CLCA4: variants seen among roughly 807,000 people sequenced by gnomAD.
The protein encoded by CLCA4 is calcium-activated chloride channel regulator 4.
CLCA4 carries 69 observed loss-of-function variants against 78.9 expected under a neutral mutation model. That is an observed-to-expected ratio of 0.87 (90% confidence interval 0.72 to 1.07). The LOEUF is 1.07. Ranked by LOEUF, CLCA4 falls within the 50% of genes least tolerant of loss-of-function variation. CLCA4 has a pLI of 0.00. For missense variants in CLCA4, 1,133 were observed against 1,095.8 expected, an observed-to-expected ratio of 1.03 and a Z score of -0.48; for synonymous variants, 362 against 375.8, an observed-to-expected ratio of 0.96 and a Z score of 0.42.
In CLCA4 at chr1:86,549,859, G is replaced by T. The variant is rs140172378; in HGVS notation, c.159+2581G>T. 4.2e-4 allele frequency among the ~76,000 whole-genome samples: 64 copies of T among 152,250 alleles called. No individual in the cohort carries two copies. In the Middle Eastern group the frequency reaches 0.01, roughly 24 times the overall value. On this transcript the variant is annotated intron_variant, in intron 1 of 13. Transcript: ENST00000370563. ...AAAACATCCATGTAGATGGAGGCAG[G>T]AATCTGAATTCATGATGAAGAATGA...
chr1:86,557,212 G>C (rs1020731964), intron 1 of CLCA4, among the ~76,000 whole-genome samples: 6 of 151,852 alleles, frequency 4.0e-5, no homozygotes, highest in African/African-American at 1.5e-4. Flanking sequence ...TTTTCCTTCA[G>C]TTCAGCTCTG....
At chr1:86,572,439 T>C (rs1650376680) in intron 8 of CLCA4, among the ~76,000 whole-genome samples, 175 bp from the exon 9 acceptor site, 1 of 152,056 alleles carries the variant, frequency 6.6e-6, no homozygotes, top group Non-Finnish European at 1.5e-5. Context: ...CATTCCCTAG[T>C]TATGACATTT....
chr1:86,549,072 T>C (rs1473042840), intron 1 of CLCA4, among the ~76,000 whole-genome samples: 1 of 152,072 alleles, frequency 6.6e-6, no homozygotes, highest in African/African-American at 2.4e-5. Context: ...AGTTAATAAG[T>C]AAATGGATCA....
chr1:86,571,481 G>C (rs1650350235), intron 8 of CLCA4: 1 of 396,226 alleles, frequency 2.5e-6, no homozygotes, highest in African/African-American at 2.0e-5. Context: ...GAGGAATATA[G>C]AAAAATAAAG....
At chr1:86,550,985 C>T (rs1253434793) in intron 1 of CLCA4, among the ~76,000 whole-genome samples, 1 of 151,606 alleles carries the variant, frequency 6.6e-6, no homozygotes, top group African/African-American at 2.4e-5. Context: ...GCGCCTGCCA[C>T]CACGCCCCGC....
chr1:86,555,408 A>G (rs1399132318), intron 1 of CLCA4, among the ~76,000 whole-genome samples: 2 of 152,110 alleles, frequency 1.3e-5, no homozygotes, highest in African/African-American at 4.8e-5. Flanking sequence ...TCCAGCTTCA[A>G]TCTGCATATG....
At position 86,572,617 on chromosome 1, in the gene CLCA4, G is replaced by A; in HGVS notation, c.1364G>A (p.Gly455Glu). 1 of 1,579,428 alleles carries A rather than the reference G, an allele frequency of 6.3e-7. No individual in the cohort carries two copies. Among genetic ancestry groups the A allele is most frequent in the Non-Finnish European group, 8.7e-7 (1 of 1,149,692 alleles). ...AVIEMSKITG[G>E]SHFYVSDEAQ... ...AATTAATGCATTTACATTTTAGGAG[G>A]AAGTCATTTTTATGTTTCAGATGAA... Residue 455 changes from glycine (G) to glutamate (E), a missense_variant, in exon 9 of 14, where the codon GGA becomes GAA. Physicochemically the swap from Gly to Glu is moderately conservative, Grantham distance 98. Transcript: ENST00000370563.
intron 3 of CLCA4, among the ~76,000 whole-genome samples, chr1:86,562,697 A>G (rs907492325): frequency 2.0e-5 from 3 of 151,950 alleles, no homozygotes; most frequent in East Asian, 1.9e-4. Context: ...TACGAAAAAT[A>G]CAAAAAATTA....
At chr1:86,562,963 A>G (rs1369898490) in intron 3 of CLCA4, among the ~76,000 whole-genome samples, 1 of 151,830 alleles carries the variant, frequency 6.6e-6, no homozygotes, top group Non-Finnish European at 1.5e-5. Context: ...CGTTTGAGCT[A>G]CAGAAACACA....
At chr1:86,558,121 C>A (rs908275854) in intron 1 of CLCA4, among the ~76,000 whole-genome samples, 1 of 152,052 alleles carries the variant, frequency 6.6e-6, no homozygotes, top group Admixed American at 6.6e-5. Flanking sequence ...AGATAACATA[C>A]CATTGGGTCT....
intron 1 of CLCA4, among the ~76,000 whole-genome samples, chr1:86,549,454 G>A (rs1157402664): frequency 6.6e-6 from 1 of 152,162 alleles, no homozygotes; most frequent in Non-Finnish European, 1.5e-5. Context: ...AGAGAAGGGT[G>A]TGTTCTCATG....
chr1:86,571,277 C>A, intron 8 of CLCA4, 23 bp downstream of exon 8: 1 of 1,595,404 alleles, frequency 6.3e-7, no homozygotes, highest in Non-Finnish European at 8.6e-7. Context: ...CCATTTATTC[C>A]AGGCCTTCAA....
chr1:86,552,471 CCTG>C (rs1474184332), intron 1 of CLCA4, among the ~76,000 whole-genome samples: 2 of 152,316 alleles, frequency 1.3e-5, no homozygotes, highest in African/African-American at 4.8e-5. Flanking sequence ...GGTTGCAGAC[CCTG>C]CTGATGATGG....
At chr1:86,552,608 A>G in intron 1 of CLCA4, 1 of 649,768 alleles carries the variant, frequency 1.5e-6, no homozygotes, top group East Asian at 2.7e-5. Context: ...GCGAGCGCTC[A>G]GGGCTCTGGT....
Position 86,575,616 on chromosome 1 carries a change from T to C in CLCA4, c.1951+17T>C. On this transcript the variant is annotated intron_variant, in intron 11 of 13. Transcript: ENST00000370563. ...ATGGTGCAGGTAATTCACAGGTTTTTATGAATAAGCCAATATTTTCCTAAT... is the reference window on the plus strand; with the variant it reads ...ATGGTGCAGGTAATTCACAGGTTTTCATGAATAAGCCAATATTTTCCTAAT... 3.1e-6 allele frequency: 5 copies of C among 1,606,884 alleles called. No homozygotes were observed. The highest frequency in any genetic ancestry group is 4.3e-6 in the Non-Finnish European group (5 of 1,175,596).
chr1:86,559,599 C>T (rs1649953078), intron 1 of CLCA4, among the ~76,000 whole-genome samples: 2 of 152,174 alleles, frequency 1.3e-5, no homozygotes, highest in South Asian at 4.1e-4. Context: ...CAAGATCTGT[C>T]ATCCAGAAGA....
chr1:86,551,997 A>G (rs575068860), intron 1 of CLCA4, among the ~76,000 whole-genome samples: 1 of 152,320 alleles, frequency 6.6e-6, no homozygotes, highest in East Asian at 1.9e-4. Context: ...CATTTAAAGT[A>G]AAACATGATA....
Position 86,547,255 on chromosome 1 carries a change from G to GA in CLCA4, c.142dup (p.Ile48AsnfsTer3). ...TATAGATCCTAGTGTGCCAGAAGAT[G>GA]AAAAAATAATTGAACAAATAGAGGT... On this transcript the variant is annotated frameshift_variant, in exon 1 of 14. Coordinates refer to ENST00000370563, the MANE Select transcript of CLCA4 (RefSeq NM_012128.4). LOFTEE classifies it high-confidence loss of function. The GA allele has an allele frequency of 1.3e-6, 2 of 1,590,224 alleles. No individual in the cohort carries two copies. Among genetic ancestry groups the GA allele is most frequent in the South Asian group, 1.2e-5 (1 of 85,216 alleles).
chr1:86,552,717 G>A (rs1570318548), intron 1 of CLCA4: 2 of 1,388,444 alleles, frequency 1.4e-6, no homozygotes, highest in Non-Finnish European at 2.0e-6. Context: ...AAGCCCTCGA[G>A]CCCTTCACAG....
Sources: gnomAD v4.1 joint callset for allele counts (sites outside exome capture counted in the v4.1 genomes callset) on GRCh38, gnomAD v4.1.1 for gene constraint, MANE v1.5 for transcripts, NCBI Gene and HGNC (gene_info 2026-07-23, HGNC 2026-07-21) for gene names.